VIT: variants seen among roughly 807,000 people sequenced by gnomAD.
VIT encodes the protein vitrin.
Under a neutral mutation model 78.0 loss-of-function variants are expected in VIT, and 99 were observed. The ratio of observed to expected loss-of-function variants is 1.27; its 90% confidence interval spans 1.08 to 1.50. The LOEUF is 1.50. VIT is among the 40% of genes most tolerant of loss of function. The probability of loss-of-function intolerance (pLI) is 0.00; values close to 1 mark genes in which losing one functional copy is unlikely to be tolerated. For synonymous variants in VIT, 374 were observed against 334.3 expected (o/e 1.12, Z -1.29); for missense variants, 1,126 against 875.3 (o/e 1.29, Z -3.61).
intron 11 of VIT, among the ~76,000 whole-genome samples, chr2:36,784,709 T>C (rs934861485): frequency 6.6e-6 from 1 of 152,270 alleles, no homozygotes; most frequent in Non-Finnish European, 1.5e-5. Context: ...TTACTTTCTC[T>C]TCCTTGACTT....
chr2:36,802,715 G>T (rs954603779), intron 13 of VIT, among the ~76,000 whole-genome samples: 1 of 152,218 alleles, frequency 6.6e-6, no homozygotes, highest in Admixed American at 6.5e-5. Flanking sequence ...CCTTGACGAG[G>T]TTAGCGATGG....
At chr2:36,730,059 G>C (rs900316181) in intron 3 of VIT, among the ~76,000 whole-genome samples, 2 of 152,186 alleles carry the variant, frequency 1.3e-5, no homozygotes, top group African/African-American at 2.4e-5. Flanking sequence ...ACTTTGAGAG[G>C]CTGAGGCGGG....
chr2:36,739,894 C>T (rs185007280), intron 3 of VIT, among the ~76,000 whole-genome samples: 8 of 152,224 alleles, frequency 5.3e-5, no homozygotes, highest in East Asian at 1.9e-4. Flanking sequence ...CTGTCCAGTC[C>T]GGAAGGAATG....
chr2:36,798,605 AC>A (rs775094382), intron 12 of VIT, among the ~76,000 whole-genome samples: 20 of 151,948 alleles, frequency 1.3e-4, no homozygotes, highest in Non-Finnish European at 2.4e-4. Context: ...AAATACAAAA[AC>A]AAATAAGCCA....
intron 2 of VIT, among the ~76,000 whole-genome samples, chr2:36,724,767 T>C (rs1354268275): frequency 2.0e-5 from 3 of 152,192 alleles, no homozygotes; most frequent in Admixed American, 2.0e-4. Flanking sequence ...GATGGGGTGT[T>C]CTTACTAAAA....
chr2:36,719,026 A>C (rs888290856), intron 2 of VIT, among the ~76,000 whole-genome samples: 1 of 152,184 alleles, frequency 6.6e-6, no homozygotes, highest in African/African-American at 2.4e-5. Flanking sequence ...CAAACAAACA[A>C]ACTGAGGCCA....
chr2:36,717,335 TGTGTGTGTGTGTGTGTG>T (rs1666218535), intron 2 of VIT, among the ~76,000 whole-genome samples: 1 of 1,620 alleles, frequency 6.2e-4, no homozygotes, highest in African/African-American at 8.4e-4. Context: ...GCCTGGCTAA[TGTGTGTGTGTGTGTGTG>T]TGTGTGTGTG....
intron 8 of VIT, chr2:36,774,439 ACT>A: frequency 1.1e-6 from 1 of 949,064 alleles, no homozygotes; most frequent in East Asian, 1.2e-4. Context: ...GTTTCCACAA[ACT>A]CTACTCACAG....
At chr2:36,729,029 T>C (rs574026433) in intron 2 of VIT, among the ~76,000 whole-genome samples, 93 of 152,156 alleles carry the variant, frequency 6.1e-4, no homozygotes, top group Admixed American at 2.7e-3. Flanking sequence ...TTTTATCTTT[T>C]ATACTGTATT....
chr2:36,790,981 G>A (rs1665457573), intron 12 of VIT, among the ~76,000 whole-genome samples: 1 of 152,112 alleles, frequency 6.6e-6, no homozygotes, highest in South Asian at 2.1e-4. Flanking sequence ...CTGCATCCCG[G>A]ACCCACAGGT....
rs746192577 is a variant in VIT, at chr2:36,814,229, G to A, written c.1950G>A (p.Glu650=). 6.2e-7 allele frequency: 1 copy of A among 1,614,230 alleles called. No individual in the cohort carries two copies. The highest frequency in any genetic ancestry group is 1.7e-5 in the Admixed American group (1 of 60,024). ...AIGVAWAAQE[E]LEVIATHPAR... is the part of the protein sequence containing the mutation. ...GCGTTGCCTGGGCTGCCCAAGAGGA[G>A]CTAGAAGTCATTGCCACTCACCCCG... Residue 650 remains glutamate, a synonymous_variant, in exon 16 of 16, where the codon GAG becomes GAA. Transcript: ENST00000379242.
Position 36,787,185 on chromosome 2 carries a change from C to A in VIT, c.967C>A (p.Arg323=), listed in dbSNP as rs779862307. 1.2e-5 allele frequency: 19 copies of A among 1,614,176 alleles called. No individual in the cohort carries two copies. The highest frequency in any genetic ancestry group is 1.6e-5 in the Non-Finnish European group (19 of 1,180,038). The change falls in exon 12 of 16, where the codon CGA becomes AGA. Residue 323 remains arginine, a synonymous_variant. Transcript: ENST00000379242. The part of the protein sequence containing the change: ...IDGSTSIGKR[R]FRIQKQLLAD... ...TGGGAGCACCAGCATTGGCAAACGG[C>A]GATTCCGAATCCAGAAGCAGCTCCT...
intron 7 of VIT, among the ~76,000 whole-genome samples, chr2:36,772,729 A>G (rs1669836431): frequency 6.6e-6 from 1 of 152,204 alleles, no homozygotes; most frequent in Admixed American, 6.5e-5. Flanking sequence ...AAACAAACAA[A>G]CAAAGAAACC....
rs547301740 is a variant in VIT, at chr2:36,799,254, C to A, written c.1059-2047C>A. Among the ~76,000 whole-genome samples, 6 of 152,274 alleles carry A rather than the reference C, an allele frequency of 3.9e-5. No individual in the cohort carries two copies. The South Asian group carries it at 6.2e-4, about 16-fold the overall frequency. On this transcript the variant is annotated intron_variant, in intron 12 of 15. Transcript: ENST00000379242. ...GGAGGCAGACACTTTCTCCTCTCTC[C>A]CAGGTCCTGGTGACTGGTTTCCTCG... is the stretch of plus-strand genomic sequence containing the variant.
rs1390354564 is a variant in VIT at position 36,778,257 on chromosome 2, CCAGAGT to C, written c.802+3193_802+3198del. The stretch of plus-strand genomic sequence containing the variant: ...TTCACAGGCCCCACACTCTCCTACT[CCAGAGT>C]CATCAGCAACACCACTGCCTCCTAC... On this transcript the variant is annotated intron_variant, in intron 9 of 15. Transcript: ENST00000379242. 5.9e-5 allele frequency among the ~76,000 whole-genome samples: 9 copies of C among 152,344 alleles called. No individual in the cohort carries two copies. The East Asian group carries it at 1.2e-3, about 20-fold the overall frequency.
chr2:36,811,090 G>A, intron 15 of VIT, among the ~76,000 whole-genome samples: 1 of 152,342 alleles, frequency 6.6e-6, no homozygotes, highest in East Asian at 1.9e-4. Context: ...TCTTCCCGGT[G>A]ACTTACCCTT....
intron 1 of VIT, among the ~76,000 whole-genome samples, chr2:36,698,418 C>T (rs569813146): frequency 6.6e-6 from 1 of 152,278 alleles, no homozygotes; most frequent in East Asian, 1.9e-4. Flanking sequence ...ACATTGAATA[C>T]AGGAAAGCAG....
intron 1 of VIT, among the ~76,000 whole-genome samples, chr2:36,708,816 C>T (rs374313170): frequency 3.3e-5 from 5 of 152,300 alleles, no homozygotes; most frequent in African/African-American, 1.2e-4. Context: ...AGCAGAGGTT[C>T]CCAATGCTGT....
At chr2:36,751,481 A>G (rs1257576601) in intron 4 of VIT, among the ~76,000 whole-genome samples, 1 of 152,212 alleles carries the variant, frequency 6.6e-6, no homozygotes. Context: ...CCCAGGTGAT[A>G]TATTGACATA....
Sources: gnomAD v4.1 joint callset for allele counts (sites outside exome capture counted in the v4.1 genomes callset) on GRCh38, gnomAD v4.1.1 for gene constraint, MANE v1.5 for transcripts, NCBI Gene and HGNC (gene_info 2026-07-23, HGNC 2026-07-21) for gene names.